SLC24A4: variants seen among roughly 807,000 people sequenced by gnomAD.
SLC24A4 encodes the protein sodium/potassium/calcium exchanger 4.
Under a neutral mutation model 79.0 loss-of-function variants are expected in SLC24A4, and 53 were observed. The ratio of observed to expected loss-of-function variants is 0.67; its 90% confidence interval spans 0.54 to 0.84. The LOEUF is 0.84. Among genes scored for constraint, SLC24A4 ranks in the 40% least tolerant of loss-of-function variants. The probability of loss-of-function intolerance (pLI) is 0.00; values close to 1 mark genes in which losing one functional copy is unlikely to be tolerated. For synonymous variants in SLC24A4, 323 were observed against 323.8 expected (o/e 1.00, Z 0.03); for missense variants, 731 against 822.0 (o/e 0.89, Z 1.35).
intron 16 of SLC24A4, among the ~76,000 whole-genome samples, 168 bp downstream of exon 16, chr14:92,492,408 A>G (rs1895732824): frequency 6.6e-6 from 1 of 152,218 alleles, no homozygotes; most frequent in South Asian, 2.1e-4. Context: ...AGTCTTTGCC[A>G]AGAGCATTGG....
rs1010046513 is a variant in SLC24A4 at position 92,353,876 on chromosome 14, G to A, written c.241+27898G>A. ...GCATAACTTCAGCTCCCCTGTCCCAGCTGCCTGTGCCGCCATCCCAAGTGA... is the reference window on the plus strand; with the variant it reads ...GCATAACTTCAGCTCCCCTGTCCCAACTGCCTGTGCCGCCATCCCAAGTGA... On this transcript the variant is annotated intron_variant, in intron 2 of 16. Coordinates refer to ENST00000532405, the MANE Select transcript of SLC24A4 (RefSeq NM_153646.4). This position sits in a 1 kb window ranked among gnomAD's most constrained non-coding sequence, Gnocchi z 4.1. 6.6e-6 allele frequency among the ~76,000 whole-genome samples: 1 copy of A among 152,244 alleles called. No individual in the cohort carries two copies. Among genetic ancestry groups the A allele is most frequent in the African/African-American group, 2.4e-5 (1 of 41,470 alleles).
At chr14:92,324,256 A>G (rs1308497209) in intron 1 of SLC24A4, among the ~76,000 whole-genome samples, 1 of 152,170 alleles carries the variant, frequency 6.6e-6, no homozygotes, top group South Asian at 2.1e-4. Context: ...GTGCGCCCGG[A>G]ATGGGCAGCG....
At chr14:92,361,728 T>C (rs1887537735) in intron 2 of SLC24A4, among the ~76,000 whole-genome samples, 1 of 152,116 alleles carries the variant, frequency 6.6e-6, no homozygotes, top group African/African-American at 2.4e-5. Flanking sequence ...AGGTGCGATG[T>C]CTCGACTTTG....
intron 2 of SLC24A4, among the ~76,000 whole-genome samples, chr14:92,379,494 G>A (rs938422939): frequency 6.6e-6 from 1 of 152,096 alleles, no homozygotes; most frequent in African/African-American, 2.4e-5. Flanking sequence ...GAAGGACCCG[G>A]CTTCAGCCCG....
At chr14:92,466,039 A>G (rs1894099429) in intron 12 of SLC24A4, among the ~76,000 whole-genome samples, 1 of 152,182 alleles carries the variant, frequency 6.6e-6, no homozygotes, top group Non-Finnish European at 1.5e-5. Flanking sequence ...CCTGAGGGTC[A>G]TCAAAACCCG....
chr14:92,449,338 C>T, intron 10 of SLC24A4, 122 bp downstream of exon 10: 2 of 1,286,980 alleles, frequency 1.6e-6, no homozygotes, highest in Non-Finnish European at 2.1e-6. Flanking sequence ...TCACAATGTC[C>T]CCCCTCTAAA....
intron 2 of SLC24A4, among the ~76,000 whole-genome samples, chr14:92,368,001 G>A (rs377203584): frequency 6.6e-6 from 1 of 152,206 alleles, no homozygotes; most frequent in Non-Finnish European, 1.5e-5. Context: ...TGTGTCAAAG[G>A]CTTATTTAAC....
intron 3 of SLC24A4, 52 bp downstream of exon 3, chr14:92,434,040 C>T (rs768824438): frequency 7.1e-7 from 1 of 1,412,062 alleles, no homozygotes; most frequent in South Asian, 1.2e-5. Flanking sequence ...TGAAGCCTCT[C>T]TGCACAGCGG....
chr14:92,431,989 C>G (rs907445711), intron 2 of SLC24A4, among the ~76,000 whole-genome samples: 1 of 152,224 alleles, frequency 6.6e-6, no homozygotes, highest in Admixed American at 6.5e-5. Flanking sequence ...GCTAACTTCC[C>G]TCTCGGAGCC....
intron 12 of SLC24A4, among the ~76,000 whole-genome samples, chr14:92,480,435 A>C (rs1895001224): frequency 6.7e-6 from 1 of 148,358 alleles, no homozygotes; most frequent in African/African-American, 2.5e-5. Context: ...CTGGGACTAC[A>C]GGCGCCCGCC....
At chr14:92,347,287 T>C (rs1163970207) in intron 2 of SLC24A4, among the ~76,000 whole-genome samples, 1 of 152,204 alleles carries the variant, frequency 6.6e-6, no homozygotes, top group African/African-American at 2.4e-5. Flanking sequence ...TAGGATGTGC[T>C]GAACTTTTCA....
intron 2 of SLC24A4, among the ~76,000 whole-genome samples, chr14:92,332,359 G>A (rs1885531701): frequency 6.6e-6 from 1 of 152,104 alleles, no homozygotes; most frequent in South Asian, 2.1e-4. Context: ...TCAACAGTAG[G>A]GTATTGGTAG....
At chr14:92,337,232 C>T (rs1459425860) in intron 2 of SLC24A4, among the ~76,000 whole-genome samples, 1 of 152,160 alleles carries the variant, frequency 6.6e-6, no homozygotes, top group Non-Finnish European at 1.5e-5. Context: ...GCAGGCTGTG[C>T]TTGGCTCAGT....
At chr14:92,365,731 C>T (rs561092089) in intron 2 of SLC24A4, among the ~76,000 whole-genome samples, 4 of 152,200 alleles carry the variant, frequency 2.6e-5, no homozygotes, top group South Asian at 4.1e-4. Context: ...CATTTTTGAC[C>T]TACTGTGTGT....
At chr14:92,329,009 G>T (rs1029365426) in intron 2 of SLC24A4, among the ~76,000 whole-genome samples, 1 of 152,246 alleles carries the variant, frequency 6.6e-6, no homozygotes, top group African/African-American at 2.4e-5. Context: ...AGTTTCAGGG[G>T]TGTGACAGAC....
chr14:92,332,306 A>G (rs1449760926), intron 2 of SLC24A4, among the ~76,000 whole-genome samples: 7 of 152,050 alleles, frequency 4.6e-5, no homozygotes, highest in Admixed American at 3.9e-4. Flanking sequence ...CAAAAAACCA[A>G]TATGTGTTAA....
At chr14:92,459,840 G>T (rs544047041) in intron 12 of SLC24A4, among the ~76,000 whole-genome samples, 60 of 152,242 alleles carry the variant, frequency 3.9e-4, no homozygotes, top group African/African-American at 1.4e-3. Context: ...CTCCGCCCCC[G>T]ACAGAAATAC....
intron 12 of SLC24A4, among the ~76,000 whole-genome samples, chr14:92,481,652 G>C (rs1389982253): frequency 6.6e-6 from 1 of 152,110 alleles, no homozygotes; most frequent in African/African-American, 2.4e-5. Flanking sequence ...ATAAAAATAG[G>C]GAAAGTTAAA....
At chr14:92,433,548 A>G (rs1891992113) in intron 2 of SLC24A4, among the ~76,000 whole-genome samples, 1 of 152,100 alleles carries the variant, frequency 6.6e-6, no homozygotes, top group African/African-American at 2.4e-5. Context: ...ACCATTTTAC[A>G]TTTCCACCAG....
Sources: gnomAD v4.1 joint callset for allele counts (sites outside exome capture counted in the v4.1 genomes callset) on GRCh38, gnomAD v4.1.1 for gene constraint, Gnocchi (gnomAD v3.1) non-coding constraint, MANE v1.5 for transcripts, NCBI Gene and HGNC (gene_info 2026-07-23, HGNC 2026-07-21) for gene names.